ZNF407: variants seen among roughly 807,000 people sequenced by gnomAD.
ZNF407 encodes zinc finger protein 407.
In ZNF407, 17 loss-of-function variants were observed where a neutral mutation model predicts 131.2. The observed-to-expected ratio is 0.13, with a 90% CI of 0.09 to 0.19. The LOEUF is 0.19. ZNF407 is among the 10% of genes least tolerant of loss of function. The probability of loss-of-function intolerance (pLI) is 1.00; values close to 1 mark genes in which losing one functional copy is unlikely to be tolerated. For synonymous variants in ZNF407, 1,156 were observed against 1,062.0 expected (o/e 1.09, Z -1.72); for missense variants, 2,681 against 2,830.6 (o/e 0.95, Z 1.20).
At chr18:74,913,643 A>C (rs1289871410) in intron 7 of ZNF407, among the ~76,000 whole-genome samples, 1 of 152,220 alleles carries the variant, frequency 6.6e-6, no homozygotes, top group Non-Finnish European at 1.5e-5. Context: ...GACACAGGGT[A>C]CAGTGGAGAC....
intron 3 of ZNF407, among the ~76,000 whole-genome samples, chr18:74,732,832 G>A (rs1262235748): frequency 1.3e-5 from 2 of 151,786 alleles, no homozygotes; most frequent in Non-Finnish European, 2.9e-5. Context: ...ATTTTAAAAT[G>A]TGAGTGTTTA....
chr18:74,786,476 T>A (rs1209035594), intron 4 of ZNF407, among the ~76,000 whole-genome samples: 1 of 151,146 alleles, frequency 6.6e-6, no homozygotes, highest in Non-Finnish European at 1.5e-5. Flanking sequence ...TTCTTTTTCT[T>A]TTTTTTTTCC....
intron 8 of ZNF407, among the ~76,000 whole-genome samples, chr18:75,009,966 A>T (rs1008731281): frequency 6.6e-6 from 1 of 152,210 alleles, no homozygotes; most frequent in South Asian, 2.1e-4. Flanking sequence ...GCTGTCCTAG[A>T]CTTAAGGAAA....
At chr18:74,785,216 T>C (rs1969680224) in intron 4 of ZNF407, among the ~76,000 whole-genome samples, 1 of 152,232 alleles carries the variant, frequency 6.6e-6, no homozygotes, top group Non-Finnish European at 1.5e-5. Flanking sequence ...GCCATTTTTG[T>C]CGGAGTCTGT....
At chr18:74,826,997 C>T (rs770391884) in intron 4 of ZNF407, among the ~76,000 whole-genome samples, 1 of 152,196 alleles carries the variant, frequency 6.6e-6, no homozygotes, top group African/African-American at 2.4e-5. Context: ...ATTCAGGTTT[C>T]CCCTGTCCCA....
At position 74,710,029 on chromosome 18, in the gene ZNF407, C is replaced by T. The variant is rs746653412; in HGVS notation, c.4802+68907C>T. Reference sequence around the variant, plus strand: ...TGAAAAAAATGTCTGTTTGTGACTTCTGATAATTATTTTATGTGTTCATGT... The same window carrying T: ...TGAAAAAAATGTCTGTTTGTGACTTTTGATAATTATTTTATGTGTTCATGT... On this transcript the variant is annotated intron_variant, in intron 3 of 8. Transcript: ENST00000299687. Among the ~76,000 whole-genome samples the T allele has an allele frequency of 3.8e-4, 58 of 152,238 alleles. No homozygotes were observed. In the Middle Eastern group the frequency reaches 0.017, roughly 45 times the overall value.
At chr18:74,675,641 A>G (rs1278334377) in intron 3 of ZNF407, among the ~76,000 whole-genome samples, 2 of 152,168 alleles carry the variant, frequency 1.3e-5, no homozygotes, top group African/African-American at 4.8e-5. Context: ...TTTATTGCAT[A>G]GCTTTTCTGA....
chr18:74,947,619 C>T (rs554221033), intron 8 of ZNF407, among the ~76,000 whole-genome samples: 1 of 152,316 alleles, frequency 6.6e-6, no homozygotes, highest in East Asian at 1.9e-4. Flanking sequence ...TCTCTCCCCT[C>T]GGAGGGAGGA....
At chr18:74,821,384 T>C (rs1970337887) in intron 4 of ZNF407, among the ~76,000 whole-genome samples, 1 of 152,040 alleles carries the variant, frequency 6.6e-6, no homozygotes, top group African/African-American at 2.4e-5. Context: ...ACCTGTCACC[T>C]ACATTAGGTA....
At chr18:75,055,759 C>G (rs981619081) in intron 8 of ZNF407, among the ~76,000 whole-genome samples, 13 of 152,102 alleles carry the variant, frequency 8.5e-5, no homozygotes, top group African/African-American at 2.9e-4. Flanking sequence ...TTTATATGAT[C>G]ATCTTCAGTT....
chr18:74,870,157 A>G (rs776642482), intron 4 of ZNF407, among the ~76,000 whole-genome samples: 30 of 152,206 alleles, frequency 2.0e-4, no homozygotes, highest in Non-Finnish European at 3.5e-4. Flanking sequence ...CCCAGAAGTT[A>G]TTTTGACAAA....
At chr18:74,913,506 C>A (rs1413502786) in intron 7 of ZNF407, among the ~76,000 whole-genome samples, 1 of 152,080 alleles carries the variant, frequency 6.6e-6, no homozygotes, top group Non-Finnish European at 1.5e-5. Flanking sequence ...TGTGTGGTGC[C>A]CCTGCATTTA....
rs755681886 is a variant in ZNF407, at chr18:74,632,217, A to T, written c.1198A>T (p.Asn400Tyr). ...GLLEKLESTK[N>Y]TLQAAHGNSV... Reference sequence around the variant, plus strand: ...CTTAGAGAAATTGGAATCTACAAAAAATACCCTTCAGGCAGCACACGGTAA... The same window carrying T: ...CTTAGAGAAATTGGAATCTACAAAATATACCCTTCAGGCAGCACACGGTAA... Residue 400 changes from asparagine to tyrosine, a missense_variant, in exon 2 of 9, where the codon AAT (asparagine) becomes TAT (tyrosine). By Grantham distance (143) the Asn-to-Tyr change is moderately radical (BLOSUM62 -2). This residue lies in a region of ZNF407 where 1,789 missense variants were observed against 1,748.7 expected (regional missense o/e 1.02). Transcript: ENST00000299687. 2.5e-6 allele frequency: 4 copies of T among 1,613,964 alleles called. No homozygotes were observed. The South Asian group carries it at 4.4e-5, about 18-fold the overall frequency.
chr18:74,738,715 G>A (rs1252069967), intron 3 of ZNF407, among the ~76,000 whole-genome samples: 2 of 152,010 alleles, frequency 1.3e-5, no homozygotes, highest in African/African-American at 4.8e-5. Context: ...CTCCAGCCCG[G>A]GTGACAGTGT....
Position 74,653,877 on chromosome 18 carries a change from A to T in ZNF407, c.4802+12755A>T, listed in dbSNP as rs183546773. 7.9e-5 allele frequency among the ~76,000 whole-genome samples: 12 copies of T among 151,956 alleles called. No homozygotes were observed. The East Asian group carries it at 2.1e-3, about 27-fold the overall frequency. The stretch of plus-strand genomic sequence containing the variant: ...CTATTTTTTAGAAAAAAATGAATTG[A>T]CATTGTTGGCTTATGTGTTATCATG... On this transcript the variant is annotated intron_variant, in intron 3 of 8. Coordinates refer to ENST00000299687, the MANE Select transcript of ZNF407 (RefSeq NM_017757.3).
intron 3 of ZNF407, among the ~76,000 whole-genome samples, chr18:74,684,432 A>G (rs1454748330): frequency 6.6e-6 from 1 of 152,214 alleles, no homozygotes; most frequent in Non-Finnish European, 1.5e-5. Context: ...ATTTAAAAAG[A>G]TGAATACTTA....
chr18:74,762,556 C>A (rs547346655), intron 3 of ZNF407, among the ~76,000 whole-genome samples: 4 of 152,060 alleles, frequency 2.6e-5, no homozygotes, highest in Admixed American at 6.6e-5. Context: ...GCCCCAAATT[C>A]CCATTTTTTC....
chr18:74,846,044 C>A (rs190166000), intron 4 of ZNF407, among the ~76,000 whole-genome samples: 2 of 152,262 alleles, frequency 1.3e-5, no homozygotes, highest in East Asian at 1.9e-4. Context: ...CTTTTGTATG[C>A]AACTTAGGGT....
chr18:74,787,200 G>A (rs751292852), intron 4 of ZNF407, among the ~76,000 whole-genome samples: 9 of 152,124 alleles, frequency 5.9e-5, no homozygotes, highest in Admixed American at 6.6e-5. Context: ...ATCTAAAGCC[G>A]AAGTGTTTAT....
Sources: gnomAD v4.1 joint callset for allele counts (sites outside exome capture counted in the v4.1 genomes callset) on GRCh38, gnomAD v4.1.1 for gene constraint, gnomAD v4.1.1 regional missense constraint, MANE v1.5 for transcripts, NCBI Gene and HGNC (gene_info 2026-07-23, HGNC 2026-07-21) for gene names.